The following AHR variants were observed in gnomAD, a reference collection of about 807,000 sequenced individuals.
AHR encodes aryl hydrocarbon receptor.
Under a neutral mutation model 86.8 loss-of-function variants are expected in AHR, and 40 were observed. That is an observed-to-expected ratio of 0.46 (90% CI 0.36 to 0.60). AHR has a LOEUF of 0.60. Among genes scored for constraint, AHR ranks in the 20% least tolerant of loss-of-function variants. The pLI is 0.00. For synonymous variants in AHR, 398 were observed against 354.9 expected, an observed-to-expected ratio of 1.12 and a Z score of -1.37; for missense variants, 1,001 against 1,011.6, an observed-to-expected ratio of 0.99 and a Z score of 0.14.
chr7:17,299,438 C>T (rs1458647208), intron 1 of AHR, 109 bp downstream of exon 1: 1 of 1,267,932 alleles, frequency 7.9e-7, no homozygotes, highest in African/African-American at 1.5e-5. Flanking sequence ...GGATTAGGTC[C>T]ATTCCCGGCA....
intron 3 of AHR, among the ~76,000 whole-genome samples, chr7:17,325,987 T>C (rs1782226455): frequency 6.6e-6 from 1 of 152,044 alleles, no homozygotes; most frequent in East Asian, 1.9e-4. Flanking sequence ...CATGCACCAA[T>C]TTGGGATCGA....
intron 4 of AHR, among the ~76,000 whole-genome samples, chr7:17,329,519 G>A (rs964820648): frequency 1.3e-5 from 2 of 151,836 alleles, no homozygotes; most frequent in Non-Finnish European, 2.9e-5. Context: ...AATTTTATAT[G>A]AAGAAAATTT....
chr7:17,319,939 A>G (rs543119980), intron 2 of AHR, among the ~76,000 whole-genome samples: 15 of 152,120 alleles, frequency 9.9e-5, no homozygotes, highest in Admixed American at 2.6e-4. Context: ...ATTTACTTCA[A>G]TTATTTACCA....
intron 2 of AHR, among the ~76,000 whole-genome samples, chr7:17,317,176 T>C (rs1460506680): frequency 6.9e-6 from 1 of 144,820 alleles, no homozygotes; most frequent in Non-Finnish European, 1.5e-5. Context: ...TTAATATCAA[T>C]TGAGAATCCC....
intron 2 of AHR, among the ~76,000 whole-genome samples, chr7:17,317,266 A>G (rs1291465413): frequency 6.6e-6 from 1 of 152,038 alleles, no homozygotes; most frequent in Non-Finnish European, 1.5e-5. Context: ...GATATAATAC[A>G]TAATAATTTA....
chr7:17,337,809 A>G (rs185351714), intron 9 of AHR, among the ~76,000 whole-genome samples: 1 of 151,876 alleles, frequency 6.6e-6, no homozygotes, highest in African/African-American at 2.4e-5. Context: ...TTTCTTTTAT[A>G]AATTACATTT....
At chr7:17,333,795 G>A (rs994304744) in intron 6 of AHR, 117 bp from the exon 7 acceptor site, 2 of 742,724 alleles carry the variant, frequency 2.7e-6, no homozygotes, top group Non-Finnish European at 4.3e-6. Flanking sequence ...CTCAGCTTCA[G>A]GAATATTTAT....
rs551240205 is a variant in AHR, at chr7:17,315,297, TA to T, written c.253+5177del. Among the ~76,000 whole-genome samples, 161 of 152,202 alleles carry T rather than the reference TA, an allele frequency of 1.1e-3. 1 individual carries two copies. The highest frequency in any genetic ancestry group is 3.7e-3 in the African/African-American group (154 of 41,588). Reference sequence around the variant, plus strand: ...TATAAGATTTATTAGATTATATGAATAAATTAATATGATAGAACTTTATATA... The same window carrying T: ...TATAAGATTTATTAGATTATATGAATAATTAATATGATAGAACTTTATATA... On this transcript the variant is annotated intron_variant, in intron 2 of 10. Transcript: ENST00000242057.
At chr7:17,317,923 T>C (rs1782132605) in intron 2 of AHR, among the ~76,000 whole-genome samples, 2 of 151,892 alleles carry the variant, frequency 1.3e-5, no homozygotes, top group Admixed American at 6.6e-5. Context: ...ATTTGTCATA[T>C]AGTTATAGAG....
At chr7:17,305,140 G>A (rs1781992686) in intron 1 of AHR, among the ~76,000 whole-genome samples, 1 of 152,140 alleles carries the variant, frequency 6.6e-6, no homozygotes, top group South Asian at 2.1e-4. Flanking sequence ...GGTGGCAGAA[G>A]ACTTCTGACT....
chr7:17,323,967 A>G (rs1782202147), intron 3 of AHR, among the ~76,000 whole-genome samples: 1 of 152,194 alleles, frequency 6.6e-6, no homozygotes, highest in Non-Finnish European at 1.5e-5. Flanking sequence ...AAATAGACAG[A>G]TATGTACTGA....
At chr7:17,306,198 G>A (rs887193697) in intron 1 of AHR, among the ~76,000 whole-genome samples, 3 of 151,974 alleles carry the variant, frequency 2.0e-5, no homozygotes, top group Non-Finnish European at 2.9e-5. Context: ...TTAAAGATTC[G>A]AAGACAATAC....
chr7:17,327,340 G>C (rs1782240074), intron 3 of AHR, among the ~76,000 whole-genome samples: 1 of 152,000 alleles, frequency 6.6e-6, no homozygotes, highest in African/African-American at 2.4e-5. Context: ...AAATGTCTTT[G>C]TACAAGAAGA....
At chr7:17,327,325 G>A (rs1345522148) in intron 3 of AHR, among the ~76,000 whole-genome samples, 1 of 151,890 alleles carries the variant, frequency 6.6e-6, no homozygotes, top group Non-Finnish European at 1.5e-5. Context: ...TAGCATCAGT[G>A]CTTGAAATGT....
Position 17,345,912 on chromosome 7 carries a change from T to TA in AHR, c.*2849dup, listed in dbSNP as rs540831608. The stretch of plus-strand genomic sequence containing the variant: ...GTCTTTTCCTGTACCAGGTTTTTCT[T>TA]ACAATACCTGAAGACTTACCAGTAT... On this transcript the variant is annotated 3_prime_UTR_variant, in exon 11 of 11. Transcript: ENST00000242057. The TA allele has an allele frequency of 1.0e-4, 16 of 152,862 alleles. No individual in the cohort carries two copies. The East Asian group carries it at 2.8e-3, about 27-fold the overall frequency. 9.5% of individuals were successfully genotyped at this position (152,862 alleles called of 1,614,324 possible).
At chr7:17,306,537 A>G (rs1451579210) in intron 1 of AHR, among the ~76,000 whole-genome samples, 1 of 151,358 alleles carries the variant, frequency 6.6e-6, no homozygotes, top group East Asian at 1.9e-4. Flanking sequence ...AAAATATTCT[A>G]CCCTGGTTTT....
At chr7:17,325,117 CTTTTA>C (rs1782214818) in intron 3 of AHR, among the ~76,000 whole-genome samples, 1 of 152,112 alleles carries the variant, frequency 6.6e-6, no homozygotes, top group Non-Finnish European at 1.5e-5. Flanking sequence ...ATGATGATCT[CTTTTA>C]TTTAATTAGC....
At chr7:17,310,180 A>C in intron 2 of AHR, 57 bp downstream of exon 2, 1 of 1,451,570 alleles carries the variant, frequency 6.9e-7, no homozygotes, top group South Asian at 1.4e-5. Flanking sequence ...CTTGTACTAG[A>C]TATAGCTGTT....
chr7:17,339,931 C>G lies in AHR; in HGVS notation c.2106C>G (p.Ser702=). Residue 702 remains serine (S), a synonymous_variant, in exon 10 of 11, where the codon TCC becomes TCG. Transcript: ENST00000242057. ...DSMPYTQNFI[S]CNQPVLPQHS... is the part of the protein sequence containing the mutation. ...TGCCTTATACACAGAACTTTATTTC[C>G]TGTAATCAGCCTGTATTACCACAAC... 6.2e-7 allele frequency: 1 copy of G among 1,614,210 alleles called. No individual in the cohort carries two copies. Among genetic ancestry groups the G allele is most frequent in the Non-Finnish European group, 8.5e-7 (1 of 1,180,028 alleles).
Sources: allele counts gnomAD v4.1 joint callset (sites outside exome capture counted in the v4.1 genomes callset), GRCh38; gene constraint gnomAD v4.1.1; transcripts MANE v1.5; gene names NCBI Gene and HGNC (gene_info 2026-07-23, HGNC 2026-07-21).